SCN8A: variants seen among roughly 807,000 people sequenced by gnomAD.
SCN8A encodes the protein sodium channel protein type 8 subunit alpha.
SCN8A carries 30 observed loss-of-function variants against 184.1 expected under a neutral mutation model. The ratio of observed to expected loss-of-function variants is 0.16; its 90% CI spans 0.12 to 0.22. SCN8A has a LOEUF of 0.22. SCN8A is among the 10% of genes least tolerant of loss of function. SCN8A has a pLI of 1.00. For synonymous variants in SCN8A, 852 were observed against 907.0 expected (o/e 0.94, Z 1.09); for missense variants, 1,057 against 2,498.9 (o/e 0.42, Z 12.30).
At chr12:51,802,571 A>G (rs1031713342) in intron 26 of SCN8A, among the ~76,000 whole-genome samples, 1 of 152,226 alleles carries the variant, frequency 6.6e-6, no homozygotes, top group Non-Finnish European at 1.5e-5. Flanking sequence ...CTTTGTCTAC[A>G]GGAGATAAGA....
intron 2 of SCN8A, among the ~76,000 whole-genome samples, chr12:51,677,325 C>T (rs201648455): frequency 1.3e-5 from 2 of 151,876 alleles, no homozygotes; most frequent in African/African-American, 2.4e-5. Context: ...TGGGCTCAAG[C>T]GATCTTCCCT....
At chr12:51,635,635 A>C (rs530583377) in intron 1 of SCN8A, among the ~76,000 whole-genome samples, 7 of 152,190 alleles carry the variant, frequency 4.6e-5, no homozygotes, top group Non-Finnish European at 1.0e-4. Flanking sequence ...TGGAACTCTT[A>C]AGTGGAAAAG....
At chr12:51,678,203 TCTC>T (rs1403581597) in intron 2 of SCN8A, among the ~76,000 whole-genome samples, 3 of 152,134 alleles carry the variant, frequency 2.0e-5, no homozygotes, top group Non-Finnish European at 4.4e-5. Flanking sequence ...TATTCACTGT[TCTC>T]CTGAGAACAG....
intron 1 of SCN8A, among the ~76,000 whole-genome samples, chr12:51,625,917 C>A (rs1940067865): frequency 6.6e-6 from 1 of 152,052 alleles, no homozygotes; most frequent in African/African-American, 2.4e-5. Flanking sequence ...GATTTGTGGC[C>A]ATTGATGTAA....
intron 11 of SCN8A, among the ~76,000 whole-genome samples, chr12:51,709,734 A>T (rs1407585695): frequency 6.6e-6 from 1 of 152,184 alleles, no homozygotes; most frequent in African/African-American, 2.4e-5. Flanking sequence ...AAGAAAAAAA[A>T]ACAGAAAAGG....
At chr12:51,780,121 C>A in intron 20 of SCN8A, 1 of 384,742 alleles carries the variant, frequency 2.6e-6, no homozygotes, top group Non-Finnish European at 5.4e-6. Context: ...GCTTGTCCCT[C>A]TTGGAAAGCC....
chr12:51,696,707 A>G (rs1941598566), intron 6 of SCN8A, among the ~76,000 whole-genome samples: 1 of 152,140 alleles, frequency 6.6e-6, no homozygotes. Flanking sequence ...AAATGAGACT[A>G]TGAGAAGTAA....
intron 26 of SCN8A, among the ~76,000 whole-genome samples, chr12:51,797,022 T>A (rs529964729): frequency 6.6e-6 from 1 of 152,268 alleles, no homozygotes; most frequent in African/African-American, 2.4e-5. Context: ...AAACTGCAAT[T>A]ACTTTTGCAC....
At chr12:51,652,473 CATTATCTCCTTATT>C (rs1250491222) in intron 1 of SCN8A, among the ~76,000 whole-genome samples, 1 of 152,166 alleles carries the variant, frequency 6.6e-6, no homozygotes, top group Non-Finnish European at 1.5e-5. Flanking sequence ...TTGAAGCTTT[CATTATCTCCTTATT>C]GCCTTCAGAA....
intron 21 of SCN8A, among the ~76,000 whole-genome samples, chr12:51,785,797 A>G (rs569386424): frequency 6.6e-6 from 1 of 152,274 alleles, no homozygotes; most frequent in South Asian, 2.1e-4. Flanking sequence ...TTTCTAATAC[A>G]CTGTGATGAG....
chr12:51,698,270 G>A (rs182656628), intron 6 of SCN8A, among the ~76,000 whole-genome samples: 244 of 152,270 alleles, frequency 1.6e-3, no homozygotes, highest in South Asian at 2.7e-3. Context: ...GTTAGAAGGC[G>A]TATTGCGTAA....
At chr12:51,771,546 G>A (rs1261661512) in intron 19 of SCN8A, among the ~76,000 whole-genome samples, 2 of 152,144 alleles carry the variant, frequency 1.3e-5, no homozygotes, top group African/African-American at 4.8e-5. Context: ...AGCTGAGAGA[G>A]GCAGCAGTGT....
intron 1 of SCN8A, among the ~76,000 whole-genome samples, chr12:51,653,252 G>A (rs554451428): frequency 3.3e-5 from 5 of 152,168 alleles, no homozygotes; most frequent in East Asian, 1.9e-4. Context: ...CCTGGGAGGC[G>A]GAGGTTGCAG....
At chr12:51,760,692 A>G (rs1406882389) in intron 14 of SCN8A, among the ~76,000 whole-genome samples, 2 of 152,240 alleles carry the variant, frequency 1.3e-5, no homozygotes, top group Admixed American at 1.3e-4. Context: ...GAACTCACTC[A>G]GAGGGATGTT....
intron 16 of SCN8A, 32 bp from the exon 17 acceptor site, chr12:51,768,833 T>C (rs539981601): frequency 6.6e-7 from 1 of 1,509,104 alleles, no homozygotes; most frequent in South Asian, 1.4e-5. Flanking sequence ...CTTTTCTGCA[T>C]TTGTTCCTTT....
intron 1 of SCN8A, among the ~76,000 whole-genome samples, chr12:51,650,323 C>T (rs1386746319): frequency 6.6e-6 from 1 of 152,128 alleles, no homozygotes; most frequent in Non-Finnish European, 1.5e-5. Flanking sequence ...AAAGTTGCTT[C>T]CATGTTTTCA....
At chr12:51,660,225 G>A (rs1187746806) in intron 1 of SCN8A, among the ~76,000 whole-genome samples, 3 of 152,148 alleles carry the variant, frequency 2.0e-5, no homozygotes, top group African/African-American at 7.2e-5. Context: ...AATTGAAGAT[G>A]GGATGAAGAG....
intron 12 of SCN8A, among the ~76,000 whole-genome samples, chr12:51,735,858 G>A (rs949281009): frequency 6.6e-6 from 1 of 152,168 alleles, no homozygotes; most frequent in African/African-American, 2.4e-5. Flanking sequence ...AGAAATACAA[G>A]CATAACCTCT....
chr12:51,708,882 T>A (rs1335873219), intron 11 of SCN8A, among the ~76,000 whole-genome samples: 3 of 152,200 alleles, frequency 2.0e-5, no homozygotes, highest in Non-Finnish European at 4.4e-5. Flanking sequence ...TTGTACTAGG[T>A]CCTAGGGCTT....
Sources: gnomAD v4.1 joint callset for allele counts (sites outside exome capture counted in the v4.1 genomes callset) on GRCh38, gnomAD v4.1.1 for gene constraint, MANE v1.5 for transcripts, NCBI Gene and HGNC (gene_info 2026-07-23, HGNC 2026-07-21) for gene names.